The following RHBDL2 variants were observed in gnomAD, a reference collection of about 807,000 sequenced individuals.
The protein encoded by RHBDL2 is rhomboid-related protein 2.
RHBDL2 carries 26 observed loss-of-function variants against 31.7 expected under a neutral mutation model. The observed-to-expected ratio is 0.82, with a 90% CI of 0.60 to 1.14. The LOEUF (loss-of-function observed/expected upper bound fraction) is 1.14. Among genes scored for constraint, RHBDL2 ranks in the 50% most tolerant of loss-of-function variants. The pLI is 0.00. For missense variants in RHBDL2, 336 were observed against 364.4 expected, an observed-to-expected ratio of 0.92 and a Z score of 0.63; for synonymous variants, 123 against 127.2, an observed-to-expected ratio of 0.97 and a Z score of 0.22.
chr1:38,927,700 G>A (rs997561754), intron 1 of RHBDL2, among the ~76,000 whole-genome samples: 1 of 152,184 alleles, frequency 6.6e-6, no homozygotes, highest in African/African-American at 2.4e-5. Flanking sequence ...TCTGCCCTGA[G>A]TATCTTACAG....
intron 4 of RHBDL2, among the ~76,000 whole-genome samples, chr1:38,907,814 G>A (rs1193563472): frequency 6.6e-6 from 1 of 152,074 alleles, no homozygotes; most frequent in Admixed American, 6.6e-5. Context: ...AAAATCCTCA[G>A]GACCTAAGGT....
chr1:38,895,875 A>C (rs1466679691), intron 5 of RHBDL2, 94 bp downstream of exon 5: 6 of 770,322 alleles, frequency 7.8e-6, no homozygotes, highest in Non-Finnish European at 1.3e-5. Flanking sequence ...AGTGCTCAGT[A>C]AATATTGATA....
In RHBDL2 at chr1:38,912,135, C is replaced by G. The variant is rs562806637; in HGVS notation, c.396-701G>C. 3.3e-5 allele frequency among the ~76,000 whole-genome samples: 5 copies of G among 152,156 alleles called. No homozygotes were observed. The East Asian group carries it at 9.7e-4, about 29-fold the overall frequency. Reference sequence around the variant, plus strand: ...TACAAGCATGCGCCACCATGCCCAGCTAATTTTGTATTTTTAGTAGAGACA... The same window carrying G: ...TACAAGCATGCGCCACCATGCCCAGGTAATTTTGTATTTTTAGTAGAGACA... On this transcript the variant is annotated intron_variant, in intron 3 of 7. Coordinates refer to ENST00000372990, the MANE Select transcript of RHBDL2 (RefSeq NM_017821.5).
At chr1:38,918,809 G>A (rs1034337794) in intron 2 of RHBDL2, among the ~76,000 whole-genome samples, 158 bp downstream of exon 2, 8 of 152,080 alleles carry the variant, frequency 5.3e-5, no homozygotes, top group African/African-American at 1.9e-4. Flanking sequence ...AGGCAGCTGT[G>A]GGGAGAGCAG....
chr1:38,917,308 C>G, intron 2 of RHBDL2, among the ~76,000 whole-genome samples: 1 of 151,962 alleles, frequency 6.6e-6, no homozygotes, highest in South Asian at 2.1e-4. Context: ...TGCACCACTG[C>G]GCCCGGCCTA....
intron 1 of RHBDL2, chr1:38,929,402 TC>T: frequency 1.6e-6 from 2 of 1,289,406 alleles, no homozygotes; most frequent in South Asian, 2.5e-5. Context: ...CACCTTCCCT[TC>T]TTCGCCTCAC....
rs1205596120 is a variant in RHBDL2 at position 38,887,849 on chromosome 1, A to G, written c.732+114T>C. 1.4e-5 allele frequency: 10 copies of G among 708,778 alleles called. No homozygotes were observed. The Admixed American group carries it at 2.5e-4, about 18-fold the overall frequency. The allele number at this position is 708,778 out of a possible 1,614,324, so 43.9% of individuals were successfully genotyped here. A position where few individuals can be genotyped will look rare whatever the true frequency, so the allele number is the denominator to read the frequency against. On this transcript the variant is annotated intron_variant, in intron 7 of 7. Transcript: ENST00000372990. Reference sequence around the variant, plus strand: ...GTCTGATTTCCTTAAAAATTTTCTTAACTTCCAAATGGAAATTTGGCTGCC... The same window carrying G: ...GTCTGATTTCCTTAAAAATTTTCTTGACTTCCAAATGGAAATTTGGCTGCC...
intron 1 of RHBDL2, chr1:38,926,136 A>C: frequency 9.0e-7 from 1 of 1,107,368 alleles, no homozygotes; most frequent in Non-Finnish European, 1.1e-6. Context: ...GTCCCTAGGC[A>C]GCTAGGGCAG....
intron 5 of RHBDL2, among the ~76,000 whole-genome samples, chr1:38,894,600 C>A (rs949669126): frequency 1.3e-5 from 2 of 151,810 alleles, no homozygotes; most frequent in Admixed American, 6.6e-5. Flanking sequence ...GGATTACAGG[C>A]ATGAGCCACC....
intron 1 of RHBDL2, among the ~76,000 whole-genome samples, chr1:38,924,134 G>A (rs183477568): frequency 2.1e-3 from 315 of 151,864 alleles, no homozygotes; most frequent in Non-Finnish European, 2.5e-3. Context: ...TTTTGAAATG[G>A]TGGCCTCCCC....
intron 1 of RHBDL2, among the ~76,000 whole-genome samples, chr1:38,925,469 A>C (rs1428032341): frequency 6.6e-6 from 1 of 151,094 alleles, no homozygotes; most frequent in Non-Finnish European, 1.5e-5. Context: ...GTGAGCTGAG[A>C]TTTTGCCACT....
chr1:38,911,600 T>C (rs936134647), intron 3 of RHBDL2, among the ~76,000 whole-genome samples, 166 bp from the exon 4 acceptor site: 1 of 108,036 alleles, frequency 9.3e-6, no homozygotes, highest in Non-Finnish European at 1.9e-5. Context: ...TTTTTCTTTT[T>C]TCTGTGTGTG....
chr1:38,919,900 A>G (rs1643288787), intron 1 of RHBDL2, among the ~76,000 whole-genome samples: 1 of 152,046 alleles, frequency 6.6e-6, no homozygotes, highest in Admixed American at 6.6e-5. Flanking sequence ...AGAGTGTACA[A>G]TTCAGTGACA....
At chr1:38,915,971 A>G (rs997369469) in intron 2 of RHBDL2, among the ~76,000 whole-genome samples, 1 of 152,128 alleles carries the variant, frequency 6.6e-6, no homozygotes, top group African/African-American at 2.4e-5. Context: ...CTGCTCTTGG[A>G]CACCCTGCTC....
At chr1:38,921,390 G>C (rs1438521594) in intron 1 of RHBDL2, among the ~76,000 whole-genome samples, 1 of 152,114 alleles carries the variant, frequency 6.6e-6, no homozygotes. Flanking sequence ...CGAAGAAAAA[G>C]AAAAGAACTG....
At chr1:38,893,059 T>C (rs1642874058) in intron 6 of RHBDL2, 105 bp downstream of exon 6, 4 of 651,522 alleles carry the variant, frequency 6.1e-6, no homozygotes, top group Non-Finnish European at 1.1e-5. Flanking sequence ...TCTGTGTGTA[T>C]GCCCCAAATT....
intron 1 of RHBDL2, among the ~76,000 whole-genome samples, chr1:38,935,815 T>C (rs1207245927): frequency 1.3e-5 from 2 of 152,110 alleles, no homozygotes; most frequent in African/African-American, 4.8e-5. Flanking sequence ...GGTTTAGCCA[T>C]GTCGCCCATG....
intron 1 of RHBDL2, among the ~76,000 whole-genome samples, chr1:38,938,553 T>G (rs2124359233): frequency 6.6e-6 from 1 of 152,292 alleles, no homozygotes; most frequent in East Asian, 1.9e-4. Flanking sequence ...ACTCCCCATT[T>G]GTTGTCCCAG....
chr1:38,920,166 C>CTTTTTTTTTTTTTT (rs71057165), intron 1 of RHBDL2, among the ~76,000 whole-genome samples: 4 of 111,402 alleles, frequency 3.6e-5, no homozygotes, highest in African/African-American at 3.5e-5. Context: ...CACATGTTTT[C>CTTTTTTTTTTTTTT]TTTTTTTTTT....
Sources: allele counts gnomAD v4.1 joint callset (sites outside exome capture counted in the v4.1 genomes callset), GRCh38; gene constraint gnomAD v4.1.1; transcripts MANE v1.5; gene names NCBI Gene and HGNC (gene_info 2026-07-23, HGNC 2026-07-21).